Variants in KAZN observed in about 807,000 individuals in gnomAD.
The protein encoded by KAZN is kazrin, periplakin interacting protein.
Under a neutral mutation model 87.4 loss-of-function variants are expected in KAZN, and 40 were observed. The ratio of observed to expected loss-of-function variants is 0.46; its 90% CI spans 0.36 to 0.60. The LOEUF is 0.60. Ranked by LOEUF, KAZN falls within the 20% of genes least tolerant of loss-of-function variation. KAZN has a pLI of 0.00. For synonymous variants in KAZN, 466 were observed against 458.3 expected (o/e 1.02, Z -0.22); for missense variants, 898 against 1,073.9 (o/e 0.84, Z 2.29).
intron 6 of KAZN, chr1:15,063,074 G>C: frequency 6.1e-6 from 1 of 164,014 alleles, no homozygotes; most frequent in East Asian, 1.7e-4. Flanking sequence ...CTGTGAATAG[G>C]GCTAACGAGT....
At chr1:14,109,487 T>A (rs1644451420) in intron 1 of KAZN, among the ~76,000 whole-genome samples, 1 of 152,210 alleles carries the variant, frequency 6.6e-6, no homozygotes, top group African/African-American at 2.4e-5. Flanking sequence ...CTTAGCTTAG[T>A]TTGAAGTTTC....
chr1:14,976,112 G>A (rs1218312064), intron 2 of KAZN, among the ~76,000 whole-genome samples: 2 of 150,064 alleles, frequency 1.3e-5, no homozygotes, highest in South Asian at 2.1e-4. Context: ...CTGCACAGCC[G>A]CACACTGCGA....
intron 2 of KAZN, among the ~76,000 whole-genome samples, chr1:14,234,120 T>C (rs1303493850): frequency 6.6e-6 from 1 of 152,132 alleles, no homozygotes. Flanking sequence ...TGCAGCACTG[T>C]TCACAATAGC....
chr1:14,812,703 T>A (rs1186720931), intron 1 of KAZN, among the ~76,000 whole-genome samples: 4 of 151,930 alleles, frequency 2.6e-5, no homozygotes, highest in Non-Finnish European at 4.4e-5. Flanking sequence ...TTTGTAGAGA[T>A]GAGGTCTCAC....
At chr1:14,149,677 A>G (rs1451911069) in intron 1 of KAZN, among the ~76,000 whole-genome samples, 1 of 152,080 alleles carries the variant, frequency 6.6e-6, no homozygotes, top group African/African-American at 2.4e-5. Context: ...CCTTGTGGTG[A>G]CTGTGGGTTT....
chr1:14,243,306 G>A (rs980437470), intron 2 of KAZN, among the ~76,000 whole-genome samples: 36 of 152,146 alleles, frequency 2.4e-4, no homozygotes, highest in African/African-American at 7.7e-4. Context: ...TGACTAGCAG[G>A]TTTCTAGTCG....
At chr1:14,618,996 G>T (rs531393058) in intron 1 of KAZN, among the ~76,000 whole-genome samples, 2 of 152,132 alleles carry the variant, frequency 1.3e-5, no homozygotes, top group African/African-American at 2.4e-5. Flanking sequence ...ACGGCAGGAC[G>T]ACAGCATGGC....
At chr1:14,646,058 T>C (rs755295494) in intron 1 of KAZN, among the ~76,000 whole-genome samples, 26 of 152,264 alleles carry the variant, frequency 1.7e-4, no homozygotes, top group Non-Finnish European at 3.2e-4. Context: ...AAAACTCCAG[T>C]TGATAAGAAA....
In KAZN at chr1:13,981,089, T is replaced by TTATA. The variant is rs1205017791; in HGVS notation, c.91+87351_91+87354dup. Among the ~76,000 whole-genome samples, 59 of 63,132 alleles carry TTATA rather than the reference T, an allele frequency of 9.3e-4. 7 individuals are homozygous for TTATA. Among genetic ancestry groups the TTATA allele is most frequent in the African/African-American group, 2.8e-3 (49 of 17,230 alleles). The allele number at this position is 63,132 out of a possible 152,430, so 41.4% of individuals were successfully genotyped here. On this transcript the variant is annotated intron_variant, in intron 1 of 16. Transcript: ENST00000636203. ...TTGGAGAGGTATAAAAAATTACTCT[T>TTATA]TATATATATATATATATATATGTAT...
chr1:14,892,408 TC>T (rs1050068819), intron 1 of KAZN, among the ~76,000 whole-genome samples: 1 of 143,510 alleles, frequency 7.0e-6, no homozygotes, highest in Non-Finnish European at 1.5e-5. Flanking sequence ...TTTTTCCCCC[TC>T]CCCCCTGCTG....
At chr1:14,809,345 C>T (rs1646332595) in intron 1 of KAZN, among the ~76,000 whole-genome samples, 1 of 152,248 alleles carries the variant, frequency 6.6e-6, no homozygotes, top group Admixed American at 6.5e-5. Context: ...AATGCCTAGA[C>T]AGCTGTGCTT....
chr1:15,007,118 T>G (rs935029724), intron 2 of KAZN, among the ~76,000 whole-genome samples: 3 of 147,530 alleles, frequency 2.0e-5, no homozygotes, highest in African/African-American at 7.5e-5. Context: ...TTGATGATAC[T>G]CATAATACCA....
chr1:14,067,798 C>T (rs553463761), intron 1 of KAZN, among the ~76,000 whole-genome samples: 2 of 152,318 alleles, frequency 1.3e-5, no homozygotes, highest in East Asian at 1.9e-4. Flanking sequence ...AGGGCACCCA[C>T]GATGTCACTG....
intron 1 of KAZN, among the ~76,000 whole-genome samples, chr1:14,019,543 G>A (rs901395832): frequency 6.6e-6 from 1 of 152,084 alleles, no homozygotes; most frequent in African/African-American, 2.4e-5. Flanking sequence ...ACCATGACCA[G>A]CACAACTTCA....
intron 2 of KAZN, among the ~76,000 whole-genome samples, chr1:14,463,779 G>T (rs1002992641): frequency 6.6e-6 from 1 of 152,068 alleles, no homozygotes; most frequent in South Asian, 2.1e-4. Flanking sequence ...AAAATGTGGG[G>T]TACATATCAG....
At chr1:15,055,929 G>A (rs1009405540) in intron 4 of KAZN, among the ~76,000 whole-genome samples, 162 bp from the exon 5 acceptor site, 4 of 152,230 alleles carry the variant, frequency 2.6e-5, no homozygotes, top group Admixed American at 6.5e-5. Context: ...ACACGGCTGC[G>A]GGGCAGGCGC....
chr1:14,680,944 G>A (rs541390066), intron 1 of KAZN, among the ~76,000 whole-genome samples: 1 of 152,320 alleles, frequency 6.6e-6, no homozygotes, highest in East Asian at 1.9e-4. Flanking sequence ...CTTGGCTTCT[G>A]AGGAGGGCCT....
intron 1 of KAZN, among the ~76,000 whole-genome samples, chr1:14,621,726 A>G (rs1289108626): frequency 6.6e-6 from 1 of 152,178 alleles, no homozygotes; most frequent in Non-Finnish European, 1.5e-5. Context: ...TGGTTTTATA[A>G]AGGGGAATTC....
chr1:15,086,065 G>T (rs1186346216), intron 8 of KAZN, among the ~76,000 whole-genome samples: 1 of 152,086 alleles, frequency 6.6e-6, no homozygotes, highest in Non-Finnish European at 1.5e-5. Context: ...CTGCCTCCTG[G>T]GTTCAAGCGA....
Sources: allele counts gnomAD v4.1 joint callset (sites outside exome capture counted in the v4.1 genomes callset), GRCh38; gene constraint gnomAD v4.1.1; transcripts MANE v1.5; gene names NCBI Gene and HGNC (gene_info 2026-07-23, HGNC 2026-07-21).